STT3B: variants seen among roughly 807,000 people sequenced by gnomAD.
STT3B encodes the protein dolichyl-diphosphooligosaccharide--protein glycosyltransferase subunit STT3B.
In STT3B, 29 loss-of-function variants were observed where a neutral mutation model predicts 96.8. The ratio of observed to expected loss-of-function variants is 0.30; its 90% CI spans 0.22 to 0.41. The LOEUF is 0.41. STT3B is among the 10% of genes least tolerant of loss of function. The pLI is 1.00. For missense variants in STT3B, 640 were observed against 1,022.3 expected (o/e 0.63, Z 5.10); for synonymous variants, 367 against 360.0 (o/e 1.02, Z -0.22).
chr3:31,585,448 A>C (rs984757427), intron 3 of STT3B, among the ~76,000 whole-genome samples: 10 of 152,144 alleles, frequency 6.6e-5, no homozygotes, highest in African/African-American at 2.4e-4. Context: ...GTAAGAAATG[A>C]GTACATGTTT....
chr3:31,595,991 T>A (rs1178396877), intron 3 of STT3B, among the ~76,000 whole-genome samples: 2 of 152,366 alleles, frequency 1.3e-5, no homozygotes, highest in South Asian at 4.1e-4. Flanking sequence ...TCTTTTATAT[T>A]GTGTTTGACT....
intron 13 of STT3B, among the ~76,000 whole-genome samples, chr3:31,627,554 A>T (rs546580119): frequency 6.6e-6 from 1 of 152,360 alleles, no homozygotes; most frequent in African/African-American, 2.4e-5. Context: ...GGCACAAAAG[A>T]TAAGAGTAAT....
At chr3:31,611,618 T>C (rs1021461558) in intron 5 of STT3B, among the ~76,000 whole-genome samples, 1 of 152,154 alleles carries the variant, frequency 6.6e-6, no homozygotes, top group Non-Finnish European at 1.5e-5. Context: ...TGCCTCAGCC[T>C]CCCAAGTAGC....
intron 3 of STT3B, among the ~76,000 whole-genome samples, chr3:31,596,257 AT>A (rs1387426933): frequency 6.6e-6 from 1 of 152,152 alleles, no homozygotes; most frequent in Non-Finnish European, 1.5e-5. Flanking sequence ...AGAAAGAAGT[AT>A]TAATTATGAT....
At position 31,625,947 on chromosome 3, in the gene STT3B, T is replaced by G. The variant is rs1051943803; in HGVS notation, c.1900-7T>G. 2 of 1,566,408 alleles carry G rather than the reference T, an allele frequency of 1.3e-6. No individual in the cohort carries two copies. The highest frequency in any genetic ancestry group is 1.7e-6 in the Non-Finnish European group (2 of 1,160,780). ...AAAACATTCTCATTTTTTTTTAAAT[T>G]CTGCAGGTGGGAAAAGCTATGTCTT... On this transcript the variant is annotated splice_polypyrimidine_tract_variant and splice_region_variant and intron_variant, in intron 12 of 15. Coordinates refer to ENST00000295770, the MANE Select transcript of STT3B (RefSeq NM_178862.3).
intron 1 of STT3B, among the ~76,000 whole-genome samples, chr3:31,547,884 T>C (rs1244062690): frequency 6.6e-6 from 1 of 152,246 alleles, no homozygotes; most frequent in Admixed American, 6.5e-5. Context: ...AGCATATCTC[T>C]GCAGTGTAAA....
chr3:31,629,714 G>C (rs1394150568), intron 14 of STT3B, among the ~76,000 whole-genome samples: 1 of 152,162 alleles, frequency 6.6e-6, no homozygotes, highest in Admixed American at 6.5e-5. Flanking sequence ...TCCAAGAAGA[G>C]TTCTCCTAGC....
chr3:31,606,539 C>T (rs1008864736), intron 5 of STT3B, among the ~76,000 whole-genome samples: 2 of 152,192 alleles, frequency 1.3e-5, no homozygotes, highest in African/African-American at 2.4e-5. Flanking sequence ...GTCTCGGCAG[C>T]TTCCACATGG....
chr3:31,533,487 A>G, intron 1 of STT3B, 175 bp downstream of exon 1: 1 of 786,864 alleles, frequency 1.3e-6, no homozygotes, highest in Non-Finnish European at 1.7e-6. Flanking sequence ...CCCGTGGGCG[A>G]AGTTTGCCCC....
At position 31,614,829 on chromosome 3, in the gene STT3B, A is replaced by G. The variant is rs1258212100; in HGVS notation, c.878-276A>G. 2.0e-5 allele frequency among the ~76,000 whole-genome samples: 3 copies of G among 152,034 alleles called. No homozygotes were observed. In the East Asian group the frequency reaches 5.8e-4, roughly 29 times the overall value. The stretch of plus-strand genomic sequence containing the variant: ...GATTGCTAATGGTAGATCAAAACAA[A>G]CTTGATTCCATTTCTGGGAAAGGAA... On this transcript the variant is annotated intron_variant, in intron 5 of 15. Coordinates refer to ENST00000295770, the MANE Select transcript of STT3B (RefSeq NM_178862.3).
chr3:31,561,717 G>C (rs1697883738), intron 1 of STT3B, among the ~76,000 whole-genome samples: 1 of 151,948 alleles, frequency 6.6e-6, no homozygotes, highest in Non-Finnish European at 1.5e-5. Context: ...TCTTTTTTAT[G>C]TTTCCTGTGT....
chr3:31,582,583 G>A (rs756636821), intron 3 of STT3B, among the ~76,000 whole-genome samples: 2 of 151,974 alleles, frequency 1.3e-5, no homozygotes, highest in African/African-American at 2.4e-5. Flanking sequence ...ATGAGCCACC[G>A]CGCCCAGCCC....
intron 3 of STT3B, among the ~76,000 whole-genome samples, chr3:31,585,690 G>C (rs1260216778): frequency 6.6e-6 from 1 of 151,908 alleles, no homozygotes; most frequent in East Asian, 1.9e-4. Flanking sequence ...TGTCTATATA[G>C]CTTTGGGAGT....
At chr3:31,583,770 C>CT (rs1050941392) in intron 3 of STT3B, among the ~76,000 whole-genome samples, 15 of 151,346 alleles carry the variant, frequency 9.9e-5, no homozygotes, top group East Asian at 9.7e-4. Context: ...TGCCTTATAG[C>CT]TTTTTTTTTG....
intron 3 of STT3B, among the ~76,000 whole-genome samples, chr3:31,587,028 T>C (rs1361392346): frequency 6.6e-6 from 1 of 151,302 alleles, no homozygotes; most frequent in Non-Finnish European, 1.5e-5. Context: ...ATTTAGATCT[T>C]CTTCATTTTT....
intron 6 of STT3B, among the ~76,000 whole-genome samples, chr3:31,615,973 T>C (rs1048180526): frequency 1.3e-5 from 2 of 151,950 alleles, no homozygotes; most frequent in African/African-American, 4.8e-5. Context: ...ATCTTAGCAC[T>C]CACCTTTATA....
At chr3:31,619,619 A>T (rs1699384315) in intron 8 of STT3B, 57 bp from the exon 9 acceptor site, 1 of 1,450,338 alleles carries the variant, frequency 6.9e-7, no homozygotes. Flanking sequence ...TCTTCATCTA[A>T]AAGGAACTCC....
intron 1 of STT3B, among the ~76,000 whole-genome samples, chr3:31,570,191 G>C (rs569465318): frequency 6.6e-6 from 1 of 152,230 alleles, no homozygotes; most frequent in East Asian, 1.9e-4. Context: ...GAAGGGAATA[G>C]AAGACAAAAA....
intron 5 of STT3B, among the ~76,000 whole-genome samples, chr3:31,612,927 G>C (rs1699217554): frequency 1.3e-5 from 2 of 152,116 alleles, no homozygotes. Context: ...GACTTAGAGG[G>C]AAATAAATAG....
Sources: gnomAD v4.1 joint callset for allele counts (sites outside exome capture counted in the v4.1 genomes callset) on GRCh38, gnomAD v4.1.1 for gene constraint, MANE v1.5 for transcripts, NCBI Gene and HGNC (gene_info 2026-07-23, HGNC 2026-07-21) for gene names.